NPR1: variants seen among roughly 807,000 people sequenced by gnomAD.
The protein encoded by NPR1 is natriuretic peptide receptor 1.
Under a neutral mutation model 116.9 loss-of-function variants are expected in NPR1, and 57 were observed. That is an observed-to-expected ratio of 0.49 (90% CI 0.39 to 0.61). The LOEUF (loss-of-function observed/expected upper bound fraction) is 0.61. Ranked by LOEUF, NPR1 falls within the 20% of genes least tolerant of loss-of-function variation. The pLI, the probability that NPR1 is intolerant of heterozygous loss-of-function variation, is 0.00. For missense variants in NPR1, 1,096 were observed against 1,409.8 expected (o/e 0.78, Z 3.56); for synonymous variants, 555 against 601.6 (o/e 0.92, Z 1.13).
At position 153,689,943 on chromosome 1, in the gene NPR1, C is replaced by T. The variant is rs1215167772; in HGVS notation, c.2895C>T (p.Pro965=). ...AVRSFRIRHR[P]QEQLRLRIGI... is the part of the protein sequence containing the mutation. ...GCTCCTTCCGAATCCGCCACCGGCC[C>T]CAGGAGCAGCTGCGCTTGCGCATTG... The change falls in exon 19 of 22, where the codon CCC becomes CCT. Residue 965 remains proline, a synonymous_variant. Coordinates refer to ENST00000368680, the MANE Select transcript of NPR1 (RefSeq NM_000906.4). This position sits in a 1 kb window ranked among gnomAD's most constrained non-coding sequence, Gnocchi z 5.1. 1.3e-6 allele frequency: 2 copies of T among 1,546,964 alleles called. No individual in the cohort carries two copies. The highest frequency in any genetic ancestry group is 1.2e-5 in the South Asian group (1 of 84,146).
intron 8 of NPR1, 141 bp downstream of exon 8, chr1:153,685,225 C>A: frequency 8.5e-7 from 1 of 1,173,130 alleles, no homozygotes; most frequent in Non-Finnish European, 1.2e-6. Flanking sequence ...GACTCATAGT[C>A]CCTCTCCGAG....
chr1:153,678,939 C>T lies in NPR1; in HGVS notation c.-170C>T. 1.1e-6 allele frequency: 1 copy of T among 931,312 alleles called. No homozygotes were observed. The highest frequency in any genetic ancestry group is 4.1e-5 in the Admixed American group (1 of 24,506). The allele number at this position is 931,312 out of a possible 1,614,324, so 57.7% of individuals were successfully genotyped here. On this transcript the variant is annotated 5_prime_UTR_variant, in exon 1 of 22. Coordinates refer to ENST00000368680, the MANE Select transcript of NPR1 (RefSeq NM_000906.4). This position sits in a 1 kb window ranked among gnomAD's most constrained non-coding sequence, Gnocchi z 5.8. ...TCGGTCGCGCCCCTTGCGCTCTCGG[C>T]CCAGACCGTCGCAGCTACAGGGGGC...
In NPR1 at chr1:153,693,606, AGCTTACAG is replaced by A. The variant is rs1302147815; in HGVS notation, c.*196_*203del. The A allele has an allele frequency of 2.6e-4, 138 of 530,840 alleles. No homozygotes were observed. The highest frequency in any genetic ancestry group is 4.6e-5 in the Non-Finnish European group (14 of 306,284). The allele number at this position is 530,840 out of a possible 1,614,324, so 32.9% of individuals were successfully genotyped here. ...GGGGACTGGCATGGGGGGATCTCAG[AGCTTACAG>A]GCTGAGCCAAGCCCACGGCCATGCA... On this transcript the variant is annotated 3_prime_UTR_variant, in exon 22 of 22. Coordinates refer to ENST00000368680, the MANE Select transcript of NPR1 (RefSeq NM_000906.4).
At position 153,679,870 on chromosome 1, in the gene NPR1, G is replaced by T. The variant is rs547444681; in HGVS notation, c.721+41G>T. On this transcript the variant is annotated intron_variant, in intron 1 of 21. Transcript: ENST00000368680. The surrounding 1 kb of genome is among the most constrained non-coding windows in gnomAD (Gnocchi z 4.2). Reference sequence around the variant, plus strand: ...ACCCCGTCCCGCCGCTTAGCCGCAGGGCCTCCCCTCTGACCTGCCGGAGGC... The same window carrying T: ...ACCCCGTCCCGCCGCTTAGCCGCAGTGCCTCCCCTCTGACCTGCCGGAGGC... 3 of 1,529,978 alleles carry T rather than the reference G, an allele frequency of 2.0e-6. No homozygotes were observed. Among genetic ancestry groups the T allele is most frequent in the Non-Finnish European group, 2.6e-6 (3 of 1,144,652 alleles). The allele number at this position is 1,529,978 out of a possible 1,614,324, so 94.8% of individuals were successfully genotyped here.
At chr1:153,688,916 C>G (rs750671984) in intron 15 of NPR1, 37 bp from the exon 16 acceptor site, 3 of 1,613,272 alleles carry the variant, frequency 1.9e-6, no homozygotes, top group Non-Finnish European at 2.5e-6. Context: ...TGTGCTGCTC[C>G]TCTCTTACCA....
rs776915803 is a variant in NPR1 at position 153,689,458 on chromosome 1, G to A, written c.2694G>A (p.Val898=). 1 of 1,614,120 alleles carries A rather than the reference G, an allele frequency of 6.2e-7. No homozygotes were observed. The highest frequency in any genetic ancestry group is 1.1e-5 in the South Asian group (1 of 91,074). ...TAGCTTCTCTTCCCTTCCAGGTGGT[G>A]ACCCTGCTCAATGACCTGTACACTT... ...LSAESTPMQV[V]TLLNDLYTCF... is the part of the protein sequence containing the mutation. The change falls in exon 18 of 22, where the codon GTG becomes GTA. Residue 898 remains valine, a synonymous_variant. Transcript: ENST00000368680. This position sits in a 1 kb window ranked among gnomAD's most constrained non-coding sequence, Gnocchi z 5.1.
intron 3 of NPR1, 127 bp from the exon 4 acceptor site, chr1:153,681,577 T>A: frequency 1.0e-6 from 1 of 971,414 alleles, no homozygotes; most frequent in South Asian, 1.6e-5. Flanking sequence ...AATCTCCCTG[T>A]GATATAGGGG....
intron 19 of NPR1, 49 bp from the exon 20 acceptor site, chr1:153,690,235 C>G (rs748026768): frequency 1.4e-6 from 2 of 1,443,846 alleles, no homozygotes; most frequent in Non-Finnish European, 1.9e-6. Context: ...TAACACCCCT[C>G]CCTCCCTCAC....
In NPR1 at chr1:153,689,055, G is replaced by A; in HGVS notation, c.2520G>A (p.Glu840=). The A allele has an allele frequency of 6.2e-7, 1 of 1,614,228 alleles. No homozygotes were observed. The highest frequency in any genetic ancestry group is 8.5e-7 in the Non-Finnish European group (1 of 1,180,050). The change falls in exon 16 of 22, where the codon GAG becomes GAA. Residue 840 remains glutamate (E), a synonymous_variant. Coordinates refer to ENST00000368680, the MANE Select transcript of NPR1 (RefSeq NM_000906.4). This position sits in a 1 kb window ranked among gnomAD's most constrained non-coding sequence, Gnocchi z 5.1. Reference sequence around the variant, plus strand: ...AGGAGCGGACCCAGGCATACCTGGAGGAGAAGCGCAAGGCTGAGGCCCTGC... The same window carrying A: ...AGGAGCGGACCCAGGCATACCTGGAAGAGAAGCGCAAGGCTGAGGCCCTGC... ...LVEERTQAYL[E]EKRKAEALLY... is the part of the protein sequence containing the mutation.
rs1268752416 is a variant in NPR1 at position 153,681,301 on chromosome 1, G to A, written c.1035+8G>A. On this transcript the variant is annotated splice_region_variant and intron_variant, in intron 3 of 21. Transcript: ENST00000368680. ...ACCATGGAGGATGGCCTGGTAAGAA[G>A]GGGTCCCGGGACCCTCCAGCGTGGA... 6.5e-7 allele frequency: 1 copy of A among 1,546,184 alleles called. No individual in the cohort carries two copies. Among genetic ancestry groups the A allele is most frequent in the East Asian group, 2.2e-5 (1 of 44,522 alleles).
intron 21 of NPR1, 65 bp from the exon 22 acceptor site, chr1:153,693,287 G>A: frequency 6.2e-7 from 1 of 1,602,334 alleles, no homozygotes; most frequent in Non-Finnish European, 8.5e-7. Context: ...CCATCCCTAA[G>A]GCTCTCATCT....
At chr1:153,685,677 A>G (rs1365974895) in intron 8 of NPR1, 129 bp from the exon 9 acceptor site, 1 of 733,492 alleles carries the variant, frequency 1.4e-6, no homozygotes, top group Non-Finnish European at 2.3e-6. Context: ...AAAAAACCCA[A>G]CAACAAAAAG....
intron 13 of NPR1, 128 bp from the exon 14 acceptor site, chr1:153,687,506 T>C (rs2101736107): frequency 1.4e-6 from 2 of 1,474,834 alleles, no homozygotes; most frequent in East Asian, 4.6e-5. Flanking sequence ...ACGAAGTGGT[T>C]TCTAAGGCCT....
intron 13 of NPR1, 28 bp downstream of exon 13, chr1:153,687,384 C>A: frequency 6.2e-7 from 1 of 1,610,570 alleles, no homozygotes; most frequent in African/African-American, 1.3e-5. Context: ...AACCTAACAC[C>A]TGCCCCCAGC....
Position 153,686,614 on chromosome 1 carries a change from T to G in NPR1, c.1759-32T>G, listed in dbSNP as rs756702288. Reference sequence around the variant, plus strand: ...GCAGCTTGGTGAGGAGCGAGGTCTCTGTCAAGCTCCTGATGCTGGTCCCAC... The same window carrying G: ...GCAGCTTGGTGAGGAGCGAGGTCTCGGTCAAGCTCCTGATGCTGGTCCCAC... On this transcript the variant is annotated intron_variant, in intron 10 of 21. Coordinates refer to ENST00000368680, the MANE Select transcript of NPR1 (RefSeq NM_000906.4). 3 of 1,581,518 alleles carry G rather than the reference T, an allele frequency of 1.9e-6. No homozygotes were observed. In the Admixed American group the frequency reaches 5.1e-5, roughly 27 times the overall value.
chr1:153,687,657 C>G lies in NPR1; in HGVS notation c.2116C>G (p.Leu706Val), dbSNP rs771410206. Residue 706 changes from leucine (L) to valine (V), a missense_variant, in exon 14 of 22, where the codon CTC (leucine) becomes GTC (valine). Leu to Val is a conservative substitution (Grantham distance 32, BLOSUM62 1). Coordinates refer to ENST00000368680, the MANE Select transcript of NPR1 (RefSeq NM_000906.4). ...AGAAAAGCTGTGGACGGCCCCTGAG[C>G]TCCTGCGAATGGCTTCACCCCCTGT... The part of the protein sequence containing the change: ...YAKKLWTAPE[L>V]LRMASPPVRG... The G allele has an allele frequency of 6.3e-7, 1 of 1,595,882 alleles. No homozygotes were observed.
At position 153,693,573 on chromosome 1, in the gene NPR1, C is replaced by T. The variant is rs1161845030; in HGVS notation, c.*159C>T. On this transcript the variant is annotated 3_prime_UTR_variant, in exon 22 of 22. Transcript: ENST00000368680. ...CCCCAGTGAAGACACCAGATAGGACCTCTGAGAGGGGACTGGCATGGGGGG... is the reference window on the plus strand; with the variant it reads ...CCCCAGTGAAGACACCAGATAGGACTTCTGAGAGGGGACTGGCATGGGGGG... 6.6e-6 allele frequency: 4 copies of T among 610,640 alleles called. No homozygotes were observed. In the Admixed American group the frequency reaches 1.0e-4, roughly 15 times the overall value. 37.8% of individuals were successfully genotyped at this position (610,640 alleles called of 1,614,324 possible).
rs1327240388 is a variant in NPR1, at chr1:153,683,461, C to G, written c.1349C>G (p.Pro450Arg). Residue 450 changes from proline (P) to arginine (R), a missense_variant, in exon 6 of 22, where the codon CCT becomes CGT. Physicochemically the swap from Pro to Arg is moderately radical, Grantham distance 103. Transcript: ENST00000368680. Reference protein sequence around the residue: ...KLNWPLGYPPPDIPKCGFDNE... With the variant: ...KLNWPLGYPPRDIPKCGFDNE... Reference sequence around the variant, plus strand: ...AACTGGCCCCTGGGGTACCCTCCTCCTGACATCCCCAAATGTGGCTTTGAC... The same window carrying G: ...AACTGGCCCCTGGGGTACCCTCCTCGTGACATCCCCAAATGTGGCTTTGAC... 3.1e-6 allele frequency: 5 copies of G among 1,614,210 alleles called. No homozygotes were observed. The highest frequency in any genetic ancestry group is 4.2e-6 in the Non-Finnish European group (5 of 1,180,032).
chr1:153,686,287 C>A, intron 10 of NPR1, 87 bp downstream of exon 10: 5 of 1,271,860 alleles, frequency 3.9e-6, no homozygotes, highest in African/African-American at 1.5e-5. Context: ...TATGGAGGGA[C>A]CTCAGGGTAC....
Sources: gnomAD v4.1 joint callset for allele counts on GRCh38, gnomAD v4.1.1 for gene constraint, Gnocchi (gnomAD v3.1) non-coding constraint, MANE v1.5 for transcripts, NCBI Gene and HGNC (gene_info 2026-07-23, HGNC 2026-07-21) for gene names.